Variants in SLC12A2 observed in about 807,000 individuals in gnomAD.
SLC12A2 encodes the protein Na-K-2Cl cotransporter 1.
SLC12A2 carries 67 observed loss-of-function variants against 136.3 expected under a neutral mutation model. The observed-to-expected ratio is 0.49, with a 90% CI of 0.40 to 0.60. The LOEUF (loss-of-function observed/expected upper bound fraction) is 0.60, where lower values mean the gene tolerates loss of function less well. Among genes scored for constraint, SLC12A2 ranks in the 20% least tolerant of loss-of-function variants. The probability of loss-of-function intolerance (pLI) is 0.00; values close to 1 mark genes in which losing one functional copy is unlikely to be tolerated. For missense variants in SLC12A2, 1,322 were observed against 1,534.7 expected, an observed-to-expected ratio of 0.86 and a Z score of 2.32; for synonymous variants, 619 against 562.9, an observed-to-expected ratio of 1.10 and a Z score of -1.41.
rs1763754602 is a variant in SLC12A2, at chr5:128,183,019, GA to G, written c.3299+79del. 3.4e-6 allele frequency: 3 copies of G among 875,726 alleles called. 1 individual carries two copies. The highest frequency in any genetic ancestry group is 5.3e-6 in the Non-Finnish European group (3 of 570,540). The allele number at this position is 875,726 out of a possible 1,614,324, so 54.2% of individuals were successfully genotyped here. On this transcript the variant is annotated intron_variant, in intron 24 of 26. Coordinates refer to ENST00000262461, the MANE Select transcript of SLC12A2 (RefSeq NM_001046.3). ...AGATTCAACTTAATTAAAACCCAGAGATTTTTTTCCTGTTGTTAGTTACATG... is the reference window on the plus strand; with the variant it reads ...AGATTCAACTTAATTAAAACCCAGAGTTTTTTTCCTGTTGTTAGTTACATG...
Position 128,083,800 on chromosome 5 carries a change from T to A in SLC12A2, c.-155T>A, listed in dbSNP as rs1403962482. 5.8e-6 allele frequency: 3 copies of A among 514,590 alleles called. No individual in the cohort carries two copies. In the East Asian group the frequency reaches 1.2e-4, roughly 20 times the overall value. The allele number at this position is 514,590 out of a possible 1,614,324, so 31.9% of individuals were successfully genotyped here. On this transcript the variant is annotated 5_prime_UTR_variant, in exon 1 of 27. Transcript: ENST00000262461. ...CGCTCGCTCGGCTGCCGGTGGCCTC[T>A]GTGGCCGTCCAGGCTAGCGGCGGCC...
chr5:128,172,798 T>G (rs1763419291), intron 19 of SLC12A2, among the ~76,000 whole-genome samples: 1 of 151,928 alleles, frequency 6.6e-6, no homozygotes, highest in Admixed American at 6.6e-5. Flanking sequence ...CCGTCTCTAC[T>G]AAAAATAGAA....
Position 128,147,792 on chromosome 5 carries a change from G to C in SLC12A2, c.1881+63G>C, listed in dbSNP as rs1158369865. On this transcript the variant is annotated intron_variant, in intron 11 of 26. Coordinates refer to ENST00000262461, the MANE Select transcript of SLC12A2 (RefSeq NM_001046.3). ...AGTTAAAGTAATACTTCTCAATTTA[G>C]AATTGTTGCTATTTTCAAATTATTT... The C allele has an allele frequency of 4.2e-5, 41 of 975,880 alleles. No individual in the cohort carries two copies. The Admixed American group carries it at 7.6e-4, about 18-fold the overall frequency. The allele number at this position is 975,880 out of a possible 1,614,324, so 60.5% of individuals were successfully genotyped here.
In SLC12A2 at chr5:128,112,822, T is replaced by A; in HGVS notation, c.765T>A (p.Phe255Leu). 6.2e-7 allele frequency: 1 copy of A among 1,606,470 alleles called. No homozygotes were observed. Among genetic ancestry groups the A allele is most frequent in the Non-Finnish European group, 8.5e-7 (1 of 1,176,846 alleles). Residue 255 changes from phenylalanine to leucine, a missense_variant, in exon 2 of 27, where the codon TTT (phenylalanine) becomes TTA (leucine). Phe to Leu is a conservative substitution (Grantham distance 22). Transcript: ENST00000262461. ...ELHDELEKEP[F>L]EDGFANGEES... Reference sequence around the variant, plus strand: ...TTTCTTTTTATAACCAGGAACCTTTTGAGGATGGCTTTGCAAATGGGGAAG... The same window carrying A: ...TTTCTTTTTATAACCAGGAACCTTTAGAGGATGGCTTTGCAAATGGGGAAG...
chr5:128,126,957 T>TA (rs1761819652), intron 4 of SLC12A2, among the ~76,000 whole-genome samples: 2 of 36,288 alleles, frequency 5.5e-5, no homozygotes, highest in Non-Finnish European at 1.0e-4. Flanking sequence ...TATATATATA[T>TA]ATATATATAT....
At position 128,186,797 on chromosome 5, in the gene SLC12A2, T is replaced by C. The variant is rs1763884331; in HGVS notation, c.*166T>C. 1.6e-6 allele frequency: 1 copy of C among 606,200 alleles called. No homozygotes were observed. Among genetic ancestry groups the C allele is most frequent in the Non-Finnish European group, 2.7e-6 (1 of 365,844 alleles). 37.6% of individuals were successfully genotyped at this position (606,200 alleles called of 1,614,324 possible). On this transcript the variant is annotated 3_prime_UTR_variant, in exon 27 of 27. Transcript: ENST00000262461. ...AAAGTTGCTCCATTGATAACGTGTATGGAGACTTCGGTTTTAGTCAATTCC... is the reference window on the plus strand; with the variant it reads ...AAAGTTGCTCCATTGATAACGTGTACGGAGACTTCGGTTTTAGTCAATTCC...
rs765662674 is a variant in SLC12A2 at position 128,158,021 on chromosome 5, C to G, written c.2364-32C>G. On this transcript the variant is annotated intron_variant, in intron 15 of 26. Coordinates refer to ENST00000262461, the MANE Select transcript of SLC12A2 (RefSeq NM_001046.3). ...CTTGTTGCCAGAAACACAAATTTAT[C>G]TAATTTTGTTTGTCTTTTCATCTTA... 5 of 1,550,822 alleles carry G rather than the reference C, an allele frequency of 3.2e-6. No homozygotes were observed. The Admixed American group carries it at 7.1e-5, about 22-fold the overall frequency.
chr5:128,092,897 G>A (rs1760389151), intron 1 of SLC12A2, among the ~76,000 whole-genome samples: 1 of 152,118 alleles, frequency 6.6e-6, no homozygotes, highest in South Asian at 2.1e-4. Context: ...AGAAATTTGA[G>A]TAGCTTCTAT....
chr5:128,128,225 A>G (rs189194770), intron 4 of SLC12A2, among the ~76,000 whole-genome samples: 5 of 152,248 alleles, frequency 3.3e-5, no homozygotes, highest in Admixed American at 3.3e-4. Flanking sequence ...CCAGTTTTTA[A>G]TGTTAGGCTT....
Position 128,151,356 on chromosome 5 carries a change from A to G in SLC12A2, c.2223A>G (p.Ile741Met). 1.2e-6 allele frequency: 2 copies of G among 1,612,312 alleles called. No individual in the cohort carries two copies. Among genetic ancestry groups the G allele is most frequent in the Non-Finnish European group, 8.5e-7 (1 of 1,179,274 alleles). The change falls in exon 14 of 27, where the codon ATA (isoleucine) becomes ATG (methionine). Residue 741 changes from isoleucine (I) to methionine (M), a missense_variant. Physicochemically the swap from Ile to Met is conservative, Grantham distance 10. This residue lies in a region of SLC12A2 where 294 missense variants were observed against 436.6 expected (regional missense o/e 0.67). Coordinates refer to ENST00000262461, the MANE Select transcript of SLC12A2 (RefSeq NM_001046.3). ...NWWAALLTYV[I>M]VLGLYIYVTY... Reference sequence around the variant, plus strand: ...GGGCTGCATTGCTAACATATGTGATAGTCCTTGGGCTGTATATTTATGTTA... The same window carrying G: ...GGGCTGCATTGCTAACATATGTGATGGTCCTTGGGCTGTATATTTATGTTA...
chr5:128,088,615 A>G (rs1043384069), intron 1 of SLC12A2, among the ~76,000 whole-genome samples: 1 of 152,184 alleles, frequency 6.6e-6, no homozygotes, highest in Admixed American at 6.5e-5. Context: ...CTGCTAAACC[A>G]TAATTTCTAA....
At chr5:128,172,971 AAAAAAC>A (rs1231560350) in intron 19 of SLC12A2, among the ~76,000 whole-genome samples, 3 of 151,650 alleles carry the variant, frequency 2.0e-5, no homozygotes, top group South Asian at 2.1e-4. Context: ...AACAAAAAAC[AAAAAAC>A]AAAAAAAAAA....
In SLC12A2 at chr5:128,114,645, A is replaced by G. The variant is rs1302525049; in HGVS notation, c.1012A>G (p.Thr338Ala). The G allele has an allele frequency of 2.5e-6, 4 of 1,612,196 alleles. No individual in the cohort carries two copies. The highest frequency in any genetic ancestry group is 1.7e-5 in the Admixed American group (1 of 60,022). Residue 338 changes from threonine (T) to alanine (A), a missense_variant, in exon 4 of 27, where the codon ACT (threonine) becomes GCT (alanine). This residue lies in a region of SLC12A2 where 71 missense variants were observed against 131.0 expected (regional missense o/e 0.54). Coordinates refer to ENST00000262461, the MANE Select transcript of SLC12A2 (RefSeq NM_001046.3). ...TVVTTITGLS[T>A]SAIATNGFVR... The stretch of plus-strand genomic sequence containing the variant: ...TGTGACAACTATCACAGGATTGTCT[A>G]CTTCAGCAATAGCAACTAATGGATT...
intron 5 of SLC12A2, among the ~76,000 whole-genome samples, chr5:128,132,854 T>G (rs1762070912): frequency 6.6e-6 from 1 of 152,184 alleles, no homozygotes; most frequent in African/African-American, 2.4e-5. Flanking sequence ...AGTCAAAGTT[T>G]AAGGTTTACT....
At chr5:128,128,247 A>C (rs1761892220) in intron 4 of SLC12A2, among the ~76,000 whole-genome samples, 1 of 152,158 alleles carries the variant, frequency 6.6e-6, no homozygotes, top group South Asian at 2.1e-4. Context: ...TGATTAGCCT[A>C]GTTAGGGTTT....
chr5:128,138,985 T>C, intron 9 of SLC12A2, 77 bp downstream of exon 9: 1 of 967,282 alleles, frequency 1.0e-6, no homozygotes. Context: ...TTTTATGACA[T>C]TTGCTAACTT....
At chr5:128,165,051 C>G (rs2126738301) in intron 17 of SLC12A2, among the ~76,000 whole-genome samples, 1 of 152,116 alleles carries the variant, frequency 6.6e-6, no homozygotes, top group African/African-American at 2.4e-5. Flanking sequence ...CCATGTTGCT[C>G]AGGCTGGTCT....
chr5:128,093,424 G>T (rs980871042), intron 1 of SLC12A2, among the ~76,000 whole-genome samples: 4 of 151,958 alleles, frequency 2.6e-5, no homozygotes, highest in Non-Finnish European at 5.9e-5. Context: ...CTGAGTTCTG[G>T]GTATCCAATG....
At chr5:128,113,286 C>G (rs1761221230) in intron 2 of SLC12A2, among the ~76,000 whole-genome samples, 1 of 152,148 alleles carries the variant, frequency 6.6e-6, no homozygotes, top group Non-Finnish European at 1.5e-5. Flanking sequence ...ATCAAGAAGG[C>G]TGAGCAGGGA....
Sources: allele counts gnomAD v4.1 joint callset (sites outside exome capture counted in the v4.1 genomes callset), GRCh38; gene constraint gnomAD v4.1.1; regional missense constraint gnomAD v4.1.1; transcripts MANE v1.5; gene names NCBI Gene and HGNC (gene_info 2026-07-23, HGNC 2026-07-21).